The following BBX variants were observed in gnomAD, a reference collection of about 807,000 sequenced individuals.
BBX encodes BBX high mobility group box domain containing.
A neutral mutation model predicts 100.2 loss-of-function variants in BBX; 30 were observed. The ratio of observed to expected loss-of-function variants is 0.30; its 90% confidence interval spans 0.22 to 0.41. BBX has a LOEUF of 0.41. Among genes scored for constraint, BBX ranks in the 10% least tolerant of loss-of-function variants. The probability of loss-of-function intolerance (pLI) is 1.00; values close to 1 mark genes in which losing one functional copy is unlikely to be tolerated. For missense variants in BBX, 1,023 were observed against 1,129.8 expected (o/e 0.91, Z 1.35); for synonymous variants, 376 against 388.1 (o/e 0.97, Z 0.37).
chr3:107,807,675 C>T lies in BBX; in HGVS notation c.*2218C>T, dbSNP rs940442838. On this transcript the variant is annotated 3_prime_UTR_variant, in exon 18 of 18. Transcript: ENST00000325805. ...CTCCGATTACATTTCACTAGAGTTCCTTACGAGATTGCTGTATATTCCTGG... is the reference window on the plus strand; with the variant it reads ...CTCCGATTACATTTCACTAGAGTTCTTTACGAGATTGCTGTATATTCCTGG... 1.3e-5 allele frequency: 2 copies of T among 151,564 alleles called. No homozygotes were observed. Among genetic ancestry groups the T allele is most frequent in the African/African-American group, 4.8e-5 (2 of 41,276 alleles). The allele number at this position is 151,564 out of a possible 1,614,324, so 9.4% of individuals were successfully genotyped here.
At chr3:107,785,022 A>G (rs1282830042) in intron 13 of BBX, among the ~76,000 whole-genome samples, 1 of 151,798 alleles carries the variant, frequency 6.6e-6, no homozygotes, top group Non-Finnish European at 1.5e-5. Context: ...ATAAAACAAT[A>G]CTATAAACAA....
chr3:107,785,408 C>A (rs1407526488), intron 13 of BBX, among the ~76,000 whole-genome samples: 1 of 151,830 alleles, frequency 6.6e-6, no homozygotes, highest in Non-Finnish European at 1.5e-5. Flanking sequence ...ATATCTCTTA[C>A]AAATGTGAAC....
chr3:107,677,982 A>T (rs1576298977), intron 3 of BBX, among the ~76,000 whole-genome samples: 1 of 152,192 alleles, frequency 6.6e-6, no homozygotes, highest in African/African-American at 2.4e-5. Context: ...AACCTCATCC[A>T]TAATTTTATC....
intron 3 of BBX, among the ~76,000 whole-genome samples, chr3:107,700,349 G>A (rs1367931555): frequency 6.6e-6 from 1 of 151,190 alleles, no homozygotes; most frequent in Non-Finnish European, 1.5e-5. Flanking sequence ...GAATTTGGGA[G>A]GGTTCAGGAA....
At chr3:107,590,623 C>T (rs1276549798) in intron 2 of BBX, among the ~76,000 whole-genome samples, 1 of 152,152 alleles carries the variant, frequency 6.6e-6, no homozygotes, top group Non-Finnish European at 1.5e-5. Flanking sequence ...ATCTTACATT[C>T]GTTTTCTGAG....
At chr3:107,529,800 C>T (rs1403096828) in intron 2 of BBX, among the ~76,000 whole-genome samples, 2 of 151,788 alleles carry the variant, frequency 1.3e-5, no homozygotes, top group Admixed American at 1.3e-4. Flanking sequence ...AGAAAATCCT[C>T]ATGTATTAAT....
intron 3 of BBX, among the ~76,000 whole-genome samples, chr3:107,671,258 A>G (rs1029447678): frequency 2.6e-5 from 4 of 152,230 alleles, no homozygotes; most frequent in Admixed American, 2.0e-4. Flanking sequence ...AGAAATCAAA[A>G]TTAGCATTCA....
chr3:107,723,315 T>C (rs890835679), intron 5 of BBX, among the ~76,000 whole-genome samples: 10 of 152,064 alleles, frequency 6.6e-5, no homozygotes, highest in African/African-American at 1.9e-4. Flanking sequence ...TAAGTCTATC[T>C]TTTATTAAAA....
In BBX at chr3:107,615,312, C is replaced by T. The variant is rs930069830; in HGVS notation, c.-83-30524C>T. Among the ~76,000 whole-genome samples the T allele has an allele frequency of 5.9e-5, 9 of 152,158 alleles. No homozygotes were observed. The South Asian group carries it at 8.3e-4, about 14-fold the overall frequency. On this transcript the variant is annotated intron_variant, in intron 2 of 17. Transcript: ENST00000325805. ...TGGGTGCATTGGATGGTAATACTGA[C>T]GTCCTAAGTCCGTTCAGGCTGTTAG...
chr3:107,724,557 T>A (rs1352027743), intron 5 of BBX, among the ~76,000 whole-genome samples: 1 of 152,230 alleles, frequency 6.6e-6, no homozygotes, highest in Non-Finnish European at 1.5e-5. Flanking sequence ...CATGTAAGTC[T>A]TTAATCCATC....
chr3:107,549,869 CTT>C (rs34639576), intron 2 of BBX, among the ~76,000 whole-genome samples: 279 of 134,952 alleles, frequency 2.1e-3, no homozygotes, highest in Middle Eastern at 4.0e-3. Flanking sequence ...TTGTTCTTAC[CTT>C]TTTTTTTTTT....
chr3:107,783,951 A>C (rs748522983), intron 13 of BBX, among the ~76,000 whole-genome samples: 18 of 152,046 alleles, frequency 1.2e-4, no homozygotes, highest in Non-Finnish European at 1.8e-4. Flanking sequence ...TCATCAAAAA[A>C]CACTTGCACA....
intron 4 of BBX, among the ~76,000 whole-genome samples, chr3:107,712,832 C>T (rs1332242315): frequency 6.6e-6 from 1 of 152,136 alleles, no homozygotes; most frequent in Non-Finnish European, 1.5e-5. Flanking sequence ...CTCACAGCAC[C>T]TAGAAGAGTG....
intron 3 of BBX, among the ~76,000 whole-genome samples, chr3:107,649,727 T>C (rs1171539924): frequency 3.3e-5 from 5 of 152,208 alleles, no homozygotes; most frequent in African/African-American, 1.2e-4. Flanking sequence ...ACTTAGGCAT[T>C]CTTCTTTACT....
At chr3:107,626,375 C>G (rs1046827870) in intron 2 of BBX, among the ~76,000 whole-genome samples, 1 of 152,194 alleles carries the variant, frequency 6.6e-6, no homozygotes. Flanking sequence ...TATTAGTTAT[C>G]TGTTGAAGTG....
At chr3:107,708,214 C>T (rs2061498632) in intron 3 of BBX, among the ~76,000 whole-genome samples, 1 of 152,102 alleles carries the variant, frequency 6.6e-6, no homozygotes. Context: ...AAGAGCACAC[C>T]AGATACCTAA....
intron 3 of BBX, among the ~76,000 whole-genome samples, chr3:107,691,801 A>T (rs2060186221): frequency 6.6e-6 from 1 of 152,234 alleles, no homozygotes; most frequent in Non-Finnish European, 1.5e-5. Context: ...GTAATTTAGT[A>T]AATGGTGAGT....
intron 2 of BBX, among the ~76,000 whole-genome samples, chr3:107,615,066 G>T (rs1389694453): frequency 2.0e-5 from 3 of 152,176 alleles, no homozygotes; most frequent in African/African-American, 4.8e-5. Context: ...GTAAAGATCA[G>T]TCTGTTTGCC....
At chr3:107,792,917 A>G (rs753582527) in intron 15 of BBX, among the ~76,000 whole-genome samples, 2 of 152,202 alleles carry the variant, frequency 1.3e-5, no homozygotes, top group Non-Finnish European at 2.9e-5. Context: ...CAGAGGTACC[A>G]GAGCAAGTGC....
Sources: gnomAD v4.1 joint callset for allele counts (sites outside exome capture counted in the v4.1 genomes callset) on GRCh38, gnomAD v4.1.1 for gene constraint, MANE v1.5 for transcripts, NCBI Gene and HGNC (gene_info 2026-07-23, HGNC 2026-07-21) for gene names.